Variants in GUK1 observed in about 807,000 individuals in gnomAD.
GUK1 encodes the protein guanylate kinase 1.
Under a neutral mutation model 25.2 loss-of-function variants are expected in GUK1, and 18 were observed. The observed-to-expected ratio is 0.71, with a 90% confidence interval of 0.49 to 1.06. The LOEUF (loss-of-function observed/expected upper bound fraction) is 1.06, where lower values mean the gene tolerates loss of function less well. Ranked by LOEUF, GUK1 falls within the 50% of genes least tolerant of loss-of-function variation. The pLI is 0.00. For missense variants in GUK1, 261 were observed against 276.7 expected, an observed-to-expected ratio of 0.94 and a Z score of 0.40; for synonymous variants, 105 against 117.6, an observed-to-expected ratio of 0.89 and a Z score of 0.69.
chr1:228,147,461 G>C lies in GUK1; in HGVS notation c.307G>C (p.Asp103His). ...GAACCGCATCTGTGTGCTGGACGTG[G>C]ACCTGCAGGGTGTGCGGAACATCAA... Residue 103 changes from aspartate to histidine, a missense_variant, in exon 6 of 9, where the codon GAC becomes CAC. Asp to His is a moderately conservative substitution (Grantham distance 81). Coordinates refer to ENST00000312726, the MANE Select transcript of GUK1 (RefSeq NM_000858.7). 6.2e-7 allele frequency: 1 copy of C among 1,613,078 alleles called. No homozygotes were observed. The highest frequency in any genetic ancestry group is 8.5e-7 in the Non-Finnish European group (1 of 1,179,922).
chr1:228,148,823 T>C lies in GUK1; in HGVS notation c.*126T>C, dbSNP rs1286955567. 2 of 1,565,852 alleles carry C rather than the reference T, an allele frequency of 1.3e-6. No individual in the cohort carries two copies. Among genetic ancestry groups the C allele is most frequent in the Non-Finnish European group, 1.7e-6 (2 of 1,155,202 alleles). On this transcript the variant is annotated 3_prime_UTR_variant, in exon 9 of 9. Transcript: ENST00000312726. ...CCAGCATGTGGAGTGGAGGAGATGC[T>C]GCCCCTGTGGTTGGAACATCCTGGG...
At position 228,145,640 on chromosome 1, in the gene GUK1, T is replaced by C; in HGVS notation, c.112+16T>C. 6 of 1,610,580 alleles carry C rather than the reference T, an allele frequency of 3.7e-6. No individual in the cohort carries two copies. The highest frequency in any genetic ancestry group is 4.2e-6 in the Non-Finnish European group (5 of 1,178,770). On this transcript the variant is annotated intron_variant, in intron 3 of 8. Coordinates refer to ENST00000312726, the MANE Select transcript of GUK1 (RefSeq NM_000858.7). ...AGCGTGTCCCGTGAGTCCAGGGCTC[T>C]CGTGGAGGGGTGCGTAGACCTCAAG...
intron 2 of GUK1, among the ~76,000 whole-genome samples, chr1:228,143,868 C>T (rs1033753857): frequency 6.6e-6 from 1 of 152,048 alleles, no homozygotes; most frequent in African/African-American, 2.4e-5. Flanking sequence ...ACAAAAAGCC[C>T]AGAAGAGGCA....
chr1:228,141,309 C>T (rs2034029986), intron 2 of GUK1: 1 of 968,552 alleles, frequency 1.0e-6, no homozygotes, highest in East Asian at 1.1e-4. Context: ...GTTCCTGTCC[C>T]CCCCGGGGAA....
intron 2 of GUK1, 26 bp from the exon 2 acceptor site, chr1:228,145,485 T>C (rs1356335700): frequency 6.3e-7 from 1 of 1,588,996 alleles, no homozygotes; most frequent in South Asian, 1.1e-5. Flanking sequence ...CGCACTGCTA[T>C]CCACAGCCTC....
At chr1:228,147,940 C>T (rs917069538) in intron 7 of GUK1, among the ~76,000 whole-genome samples, 7 of 152,178 alleles carry the variant, frequency 4.6e-5, no homozygotes, top group East Asian at 1.9e-4. Context: ...CCAGAGTCTC[C>T]GTGAGGGCCC....
Position 228,148,858 on chromosome 1 carries a change from G to A in GUK1, c.*161G>A, listed in dbSNP as rs551787855. ...GTTGGAACATCCTGGGGTGACCCCC[G>A]ACCCAGCCTCGCTGGGCTGTCCCCT... On this transcript the variant is annotated 3_prime_UTR_variant, in exon 9 of 9. Coordinates refer to ENST00000312726, the MANE Select transcript of GUK1 (RefSeq NM_000858.7). 1.7e-4 allele frequency: 254 copies of A among 1,528,648 alleles called. No individual in the cohort carries two copies. The highest frequency in any genetic ancestry group is 1.1e-4 in the Non-Finnish European group (127 of 1,128,744). The allele number at this position is 1,528,648 out of a possible 1,614,324, so 94.7% of individuals were successfully genotyped here.
intron 2 of GUK1, chr1:228,141,507 G>A (rs1225285499): frequency 4.3e-6 from 2 of 467,018 alleles, no homozygotes; most frequent in Non-Finnish European, 6.0e-6. Flanking sequence ...CACGTCTGGT[G>A]GTTTGTGTCT....
rs1190714323 is a variant in GUK1, at chr1:228,145,817, T to C, written c.112+193T>C. 1.1e-4 allele frequency: 79 copies of C among 727,048 alleles called. No individual in the cohort carries two copies. In the East Asian group the frequency reaches 2.0e-3, roughly 19 times the overall value. 45.0% of individuals were successfully genotyped at this position (727,048 alleles called of 1,614,324 possible). A position where few individuals can be genotyped will look rare whatever the true frequency, so the allele number is the denominator to read the frequency against. On this transcript the variant is annotated intron_variant, in intron 3 of 8. Transcript: ENST00000312726. ...GCTGTCCTGCGTGCCTGTGTCTCCC[T>C]TCCCTGGGTCTGTTGAGTACTGATA...
chr1:228,140,108 T>C (rs2033959283), upstream of GUK1: 1 of 557,884 alleles, frequency 1.8e-6, no homozygotes. Flanking sequence ...TGAACGCCCC[T>C]GCGGTCGCGA....
intron 2 of GUK1, among the ~76,000 whole-genome samples, chr1:228,143,375 T>A (rs988209945): frequency 2.6e-5 from 4 of 152,340 alleles, no homozygotes; most frequent in African/African-American, 9.6e-5. Flanking sequence ...CCATATCGGG[T>A]CCTTCGAAGC....
rs2033981882 is a variant in GUK1, at chr1:228,140,496, T to G, written c.-168+133T>G. 3 of 684,438 alleles carry G rather than the reference T, an allele frequency of 4.4e-6. No individual in the cohort carries two copies. The South Asian group carries it at 6.2e-5, about 14-fold the overall frequency. The allele number at this position is 684,438 out of a possible 1,614,324, so 42.4% of individuals were successfully genotyped here. The stretch of plus-strand genomic sequence containing the variant: ...AGACGCCCTGTGCCGCATTCAACTG[T>G]GGGCCCTGAGAACGGGGGAGCTCTG... On this transcript the variant is annotated intron_variant, in intron 1 of 8. Transcript: ENST00000312726.
At chr1:228,141,924 C>T (rs564439268) in intron 2 of GUK1, 10 of 418,852 alleles carry the variant, frequency 2.4e-5, no homozygotes, top group African/African-American at 2.2e-4. Context: ...AGAATGTTTG[C>T]TGGAATGCTT....
Position 228,147,392 on chromosome 1 carries a change from G to C in GUK1, c.252-14G>C. The C allele has an allele frequency of 1.2e-6, 2 of 1,606,490 alleles. No homozygotes were observed. Among genetic ancestry groups the C allele is most frequent in the Non-Finnish European group, 1.7e-6 (2 of 1,177,546 alleles). On this transcript the variant is annotated splice_polypyrimidine_tract_variant and intron_variant, in intron 5 of 8. Transcript: ENST00000312726. Reference sequence around the variant, plus strand: ...GAGCCCTGGCACCCCTGCTGACCTGGCACCTCTCCCCAGCAAGGTGGCGGT... The same window carrying C: ...GAGCCCTGGCACCCCTGCTGACCTGCCACCTCTCCCCAGCAAGGTGGCGGT...
At position 228,148,820 on chromosome 1, in the gene GUK1, T is replaced by A; in HGVS notation, c.*123T>A. The A allele has an allele frequency of 6.4e-7, 1 of 1,568,278 alleles. No individual in the cohort carries two copies. The highest frequency in any genetic ancestry group is 8.6e-7 in the Non-Finnish European group (1 of 1,156,620). ...TGGCCAGCATGTGGAGTGGAGGAGA[T>A]GCTGCCCCTGTGGTTGGAACATCCT... On this transcript the variant is annotated 3_prime_UTR_variant, in exon 9 of 9. Coordinates refer to ENST00000312726, the MANE Select transcript of GUK1 (RefSeq NM_000858.7).
intron 2 of GUK1, chr1:228,144,738 C>T (rs955429560): frequency 7.2e-5 from 71 of 985,000 alleles, no homozygotes; most frequent in South Asian, 9.4e-5. Flanking sequence ...ACAGAGGCTG[C>T]ACCTCAGCAA....
In GUK1 at chr1:228,146,128, T is replaced by G. The variant is rs371709385; in HGVS notation, c.154+61T>G. ...CAGTGTGGGCAGGGCTGCTGGGCCC[T>G]GCAGCTGTGTTGGCTGTGCTGCCCG... On this transcript the variant is annotated intron_variant, in intron 4 of 8. Transcript: ENST00000312726. 71 of 1,140,760 alleles carry G rather than the reference T, an allele frequency of 6.2e-5. No homozygotes were observed. In the African/African-American group the frequency reaches 7.1e-4, roughly 11 times the overall value. The allele number at this position is 1,140,760 out of a possible 1,614,324, so 70.7% of individuals were successfully genotyped here.
intron 2 of GUK1, chr1:228,141,572 C>T: frequency 1.1e-6 from 1 of 939,520 alleles, no homozygotes; most frequent in Non-Finnish European, 1.3e-6. Flanking sequence ...GTCAAGCCCT[C>T]TGTTAGCATC....
Position 228,148,906 on chromosome 1 carries a change from C to A in GUK1, c.*209C>A. The A allele has an allele frequency of 8.2e-7, 1 of 1,213,004 alleles. No individual in the cohort carries two copies. Among genetic ancestry groups the A allele is most frequent in the Non-Finnish European group, 1.2e-6 (1 of 868,586 alleles). The allele number at this position is 1,213,004 out of a possible 1,614,324, so 75.1% of individuals were successfully genotyped here. A position where few individuals can be genotyped will look rare whatever the true frequency, so the allele number is the denominator to read the frequency against. On this transcript the variant is annotated 3_prime_UTR_variant, in exon 9 of 9. Transcript: ENST00000312726. Reference sequence around the variant, plus strand: ...CCTGTCCCTATCTCTCACTCTGGACCCAGGGCTGACATCCTAATAAAATAA... The same window carrying A: ...CCTGTCCCTATCTCTCACTCTGGACACAGGGCTGACATCCTAATAAAATAA...
Sources: allele counts gnomAD v4.1 joint callset (sites outside exome capture counted in the v4.1 genomes callset), GRCh38; gene constraint gnomAD v4.1.1; transcripts MANE v1.5; gene names NCBI Gene and HGNC (gene_info 2026-07-23, HGNC 2026-07-21).